Variants in COG5 observed in about 807,000 individuals in gnomAD.
The protein encoded by COG5 is conserved oligomeric Golgi complex subunit 5.
Under a neutral mutation model 110.4 loss-of-function variants are expected in COG5, and 86 were observed. The ratio of observed to expected loss-of-function variants is 0.78; its 90% CI spans 0.65 to 0.93. The LOEUF (loss-of-function observed/expected upper bound fraction) is 0.93. Ranked by LOEUF, COG5 falls within the 40% of genes least tolerant of loss-of-function variation. COG5 has a pLI of 0.00. For missense variants in COG5, 1,077 were observed against 987.0 expected (o/e 1.09, Z -1.22); for synonymous variants, 360 against 334.6 (o/e 1.08, Z -0.83).
intron 14 of COG5, 43 bp from the exon 15 acceptor site, chr7:107,258,426 TCTC>T: frequency 3.2e-6 from 1 of 316,160 alleles, no homozygotes; most frequent in Non-Finnish European, 5.5e-6. Context: ...GAATGATAAT[TCTC>T]TCTCTCTCTC....
chr7:107,385,953 CTATT>C (rs1415501318), intron 7 of COG5, among the ~76,000 whole-genome samples: 2 of 149,960 alleles, frequency 1.3e-5, no homozygotes, highest in South Asian at 2.1e-4. Context: ...GGAGAAATAT[CTATT>C]TAAGTCTTTT....
chr7:107,265,339 G>C (rs1015080626), intron 14 of COG5, among the ~76,000 whole-genome samples: 5 of 152,070 alleles, frequency 3.3e-5, no homozygotes, highest in African/African-American at 1.2e-4. Context: ...AAGTGCAGTG[G>C]CATGATCATG....
At chr7:107,498,633 C>T (rs757318474) in intron 6 of COG5, among the ~76,000 whole-genome samples, 1 of 151,832 alleles carries the variant, frequency 6.6e-6, no homozygotes, top group African/African-American at 2.4e-5. Flanking sequence ...GCAAAAACAA[C>T]AAAAAACAGA....
intron 11 of COG5, among the ~76,000 whole-genome samples, chr7:107,301,703 T>C (rs899407980): frequency 6.6e-6 from 1 of 152,096 alleles, no homozygotes; most frequent in African/African-American, 2.4e-5. Context: ...ACTCCATCTC[T>C]ACTAAAAATA....
intron 6 of COG5, among the ~76,000 whole-genome samples, chr7:107,453,679 C>T (rs1795489731): frequency 2.0e-5 from 3 of 152,140 alleles, no homozygotes; most frequent in Admixed American, 2.0e-4. Flanking sequence ...GAAATATCTT[C>T]ATTACATCAC....
Position 107,474,220 on chromosome 7 carries a change from T to C in COG5, c.538+53017A>G, listed in dbSNP as rs368142557. ...CGGATTTCTTATGTTAGAAATTGTG[T>C]TGGGACTTGGCAGCAACCTCACTGT... On this transcript the variant is annotated intron_variant, in intron 6 of 21. Transcript: ENST00000297135. The surrounding 1 kb of genome is among the most constrained non-coding windows in gnomAD (Gnocchi z 5.7). 1.3e-5 allele frequency: 21 copies of C among 1,613,140 alleles called. No individual in the cohort carries two copies. The highest frequency in any genetic ancestry group is 1.7e-5 in the Non-Finnish European group (20 of 1,179,426).
intron 7 of COG5, among the ~76,000 whole-genome samples, chr7:107,379,828 A>G (rs189478746): frequency 1.3e-5 from 2 of 152,258 alleles, no homozygotes; most frequent in East Asian, 3.9e-4. Flanking sequence ...ACACAATAAT[A>G]GTGGGAGACT....
intron 1 of COG5, among the ~76,000 whole-genome samples, chr7:107,559,010 C>A (rs1181280828): frequency 1.4e-5 from 2 of 147,654 alleles, no homozygotes; most frequent in Non-Finnish European, 1.5e-5. Flanking sequence ...GGAAAATTGA[C>A]TCTATATATA....
chr7:107,223,516 A>G (rs908475319), intron 19 of COG5, among the ~76,000 whole-genome samples: 8 of 152,240 alleles, frequency 5.3e-5, no homozygotes, highest in South Asian at 2.1e-4. Flanking sequence ...ATAAAAGCAT[A>G]CATTTGGCTG....
Position 107,474,158 on chromosome 7 carries a change from C to A in COG5, c.538+53079G>T, listed in dbSNP as rs1796827579. 6.2e-7 allele frequency: 1 copy of A among 1,609,888 alleles called. No individual in the cohort carries two copies. Among genetic ancestry groups the A allele is most frequent in the East Asian group, 2.2e-5 (1 of 44,834 alleles). ...GACATCAACACCAATATGTACCAAC[C>A]ACTATCATATCCGTTAAGCTTTCAA... is the stretch of plus-strand genomic sequence containing the variant. On this transcript the variant is annotated intron_variant, in intron 6 of 21. Transcript: ENST00000297135. The surrounding 1 kb of genome is among the most constrained non-coding windows in gnomAD (Gnocchi z 5.7).
In COG5 at chr7:107,261,180, A is replaced by G. The variant is rs560662412; in HGVS notation, c.1576-2797T>C. Among the ~76,000 whole-genome samples, 259 of 152,248 alleles carry G rather than the reference A, an allele frequency of 1.7e-3. 3 individuals are homozygous for G. The highest frequency in any genetic ancestry group is 7.6e-4 in the Non-Finnish European group (52 of 68,008). On this transcript the variant is annotated intron_variant, in intron 14 of 21. Transcript: ENST00000297135. Reference sequence around the variant, plus strand: ...GCCTTTGGTTGAAAAATATCTGTGTATAAGTGGACCTATGCAACTGTAATC... The same window carrying G: ...GCCTTTGGTTGAAAAATATCTGTGTGTAAGTGGACCTATGCAACTGTAATC...
rs201501895 is a variant in COG5, at chr7:107,475,355, C to A, written c.538+51882G>T. The A allele has an allele frequency of 8.7e-5, 127 of 1,464,430 alleles. No individual in the cohort carries two copies. The African/African-American group carries it at 1.6e-3, about 19-fold the overall frequency. 90.7% of individuals were successfully genotyped at this position (1,464,430 alleles called of 1,614,324 possible). On this transcript the variant is annotated intron_variant, in intron 6 of 21. Transcript: ENST00000297135. ...AAATGTTTAGTGCCTCAGGTTGTCA[C>A]AGACTAGAGAAAAGTCTCAGTTTCA...
At position 107,372,651 on chromosome 7, in the gene COG5, A is replaced by C. The variant is rs372709635; in HGVS notation, c.779T>G (p.Ile260Ser). The stretch of plus-strand genomic sequence containing the variant: ...AACTTTTATGTCTAATGCACTGTTG[A>C]TATTTTCTTCTAAAGTAGCACAATA... ...DGYCATLEEN[I>S]NSALDIKVLT... The change falls in exon 8 of 22, where the codon ATC becomes AGC. Residue 260 changes from isoleucine to serine, a missense_variant. By Grantham distance (142) the Ile-to-Ser change is moderately radical (BLOSUM62 -2). Coordinates refer to ENST00000297135, the MANE Select transcript of COG5 (RefSeq NM_006348.5). 6.2e-7 allele frequency: 1 copy of C among 1,613,736 alleles called. No homozygotes were observed. The highest frequency in any genetic ancestry group is 8.5e-7 in the Non-Finnish European group (1 of 1,179,798).
At chr7:107,411,095 G>A (rs1490670204) in intron 7 of COG5, among the ~76,000 whole-genome samples, 1 of 152,092 alleles carries the variant, frequency 6.6e-6, no homozygotes, top group Non-Finnish European at 1.5e-5. Flanking sequence ...AGGATTAGGA[G>A]ATGAAAACAA....
rs556164944 is a variant in COG5 at position 107,512,220 on chromosome 7, G to A, written c.538+15017C>T. Among the ~76,000 whole-genome samples, 81 of 152,242 alleles carry A rather than the reference G, an allele frequency of 5.3e-4. 1 individual carries two copies. Among genetic ancestry groups the A allele is most frequent in the Admixed American group, 1.2e-3 (19 of 15,284 alleles). On this transcript the variant is annotated intron_variant, in intron 6 of 21. Transcript: ENST00000297135. Reference sequence around the variant, plus strand: ...AAGTCTCAGGATACAAAATCAATGTGCAAAAATCACAAGCATCCTTATACA... The same window carrying A: ...AAGTCTCAGGATACAAAATCAATGTACAAAAATCACAAGCATCCTTATACA...
At chr7:107,370,439 T>A (rs976227041) in intron 8 of COG5, among the ~76,000 whole-genome samples, 1 of 152,168 alleles carries the variant, frequency 6.6e-6, no homozygotes, top group African/African-American at 2.4e-5. Flanking sequence ...ATAACTTCAA[T>A]ATAAACAAGA....
chr7:107,547,783 C>T (rs1802553231), intron 5 of COG5, among the ~76,000 whole-genome samples: 1 of 145,906 alleles, frequency 6.9e-6, no homozygotes, highest in Admixed American at 6.6e-5. Flanking sequence ...TTCCCATTTA[C>T]AATAGCTACA....
rs1474136219 is a variant in COG5, at chr7:107,379,508, G to T, written c.670-6748C>A. Among the ~76,000 whole-genome samples the T allele has an allele frequency of 4.6e-5, 7 of 151,700 alleles. No homozygotes were observed. The East Asian group carries it at 1.4e-3, about 30-fold the overall frequency. On this transcript the variant is annotated intron_variant, in intron 7 of 21. Transcript: ENST00000297135. ...GATAAAGAGTCAAGACCCATTGGTG[G>T]GCTATACTCAGGAGACCCATCTCAC...
intron 6 of COG5, among the ~76,000 whole-genome samples, chr7:107,435,376 G>C (rs535598806): frequency 6.6e-6 from 1 of 152,144 alleles, no homozygotes; most frequent in Non-Finnish European, 1.5e-5. Context: ...AATCTGGCCA[G>C]GCGCGGTGGC....
Sources: gnomAD v4.1 joint callset for allele counts (sites outside exome capture counted in the v4.1 genomes callset) on GRCh38, gnomAD v4.1.1 for gene constraint, Gnocchi (gnomAD v3.1) non-coding constraint, MANE v1.5 for transcripts, NCBI Gene and HGNC (gene_info 2026-07-23, HGNC 2026-07-21) for gene names.